Variants in SMAD3 observed in about 807,000 individuals in gnomAD.
SMAD3 encodes SMAD family member 3.
A neutral mutation model predicts 51.8 loss-of-function variants in SMAD3; 12 were observed. The ratio of observed to expected loss-of-function variants is 0.23; its 90% confidence interval spans 0.15 to 0.38. The LOEUF is 0.38. Ranked by LOEUF, SMAD3 falls within the 10% of genes least tolerant of loss-of-function variation. The pLI, the probability that SMAD3 is intolerant of heterozygous loss-of-function variation, is 1.00. For synonymous variants in SMAD3, 238 were observed against 227.7 expected (o/e 1.05, Z -0.41); for missense variants, 294 against 565.6 (o/e 0.52, Z 4.87).
At chr15:67,108,351 G>C (rs1334572501) in intron 1 of SMAD3, among the ~76,000 whole-genome samples, 1 of 152,112 alleles carries the variant, frequency 6.6e-6, no homozygotes, top group Non-Finnish European at 1.5e-5. Context: ...TCCCCACTCT[G>C]ATGATACTAG....
intron 3 of SMAD3, 176 bp from the exon 4 acceptor site, chr15:67,166,603 G>A (rs1962595975): frequency 4.5e-6 from 3 of 671,726 alleles, no homozygotes; most frequent in African/African-American, 1.8e-5. Context: ...GGGAGTCAGA[G>A]GTGGACAGGG....
In SMAD3 at chr15:67,167,769, A is replaced by ATT. The variant is rs541657591; in HGVS notation, c.607+917_607+918dup. Among the ~76,000 whole-genome samples, 892 of 152,310 alleles carry ATT rather than the reference A, an allele frequency of 5.9e-3. 11 individuals are homozygous for ATT. Among genetic ancestry groups the ATT allele is most frequent in the African/African-American group, 0.02 (850 of 41,562 alleles). On this transcript the variant is annotated intron_variant, in intron 4 of 8. Coordinates refer to ENST00000327367, the MANE Select transcript of SMAD3 (RefSeq NM_005902.4). ...TGGCTCCAGACCAGCAGCTTCTTGA[A>ATT]TTGAACCCCAGCTGCCACATAGAAT...
chr15:67,146,528 G>T (rs1961978214), intron 1 of SMAD3, among the ~76,000 whole-genome samples: 1 of 152,220 alleles, frequency 6.6e-6, no homozygotes, highest in African/African-American at 2.4e-5. Flanking sequence ...GTGGGAGTCA[G>T]TGCAGACTTA....
intron 6 of SMAD3, among the ~76,000 whole-genome samples, chr15:67,182,890 A>G (rs150295819): frequency 6.7e-6 from 1 of 150,138 alleles, no homozygotes; most frequent in African/African-American, 2.5e-5. Context: ...GCCCAGTCGC[A>G]AACTCTTGGG....
chr15:67,082,606 A>G (rs1960301444), intron 1 of SMAD3, among the ~76,000 whole-genome samples: 1 of 152,240 alleles, frequency 6.6e-6, no homozygotes, highest in Non-Finnish European at 1.5e-5. Context: ...TAAAAATTCT[A>G]TAAATGTTTA....
At chr15:67,093,288 A>C (rs190547720) in intron 1 of SMAD3, among the ~76,000 whole-genome samples, 1 of 152,240 alleles carries the variant, frequency 6.6e-6, no homozygotes, top group Non-Finnish European at 1.5e-5. Flanking sequence ...TGATGGACGC[A>C]AAAACTGCCT....
intron 1 of SMAD3, among the ~76,000 whole-genome samples, chr15:67,115,931 G>A (rs529730086): frequency 4.1e-4 from 63 of 152,322 alleles, no homozygotes; most frequent in Non-Finnish European, 7.8e-4. Context: ...GTGGGTAGGA[G>A]TAATCAGAAG....
At chr15:67,079,730 G>A (rs904127896) in intron 1 of SMAD3, among the ~76,000 whole-genome samples, 3 of 152,122 alleles carry the variant, frequency 2.0e-5, no homozygotes, top group African/African-American at 7.2e-5. Flanking sequence ...GCATTGAGGG[G>A]TCAGTGGCAG....
At chr15:67,145,862 G>A (rs142744455) in intron 1 of SMAD3, among the ~76,000 whole-genome samples, 3 of 152,236 alleles carry the variant, frequency 2.0e-5, no homozygotes, top group African/African-American at 4.8e-5. Context: ...GCTGGGGCAC[G>A]CAGAACAACA....
At chr15:67,138,663 C>T (rs1488404847) in intron 1 of SMAD3, 1 of 152,562 alleles carries the variant, frequency 6.6e-6, no homozygotes, top group Non-Finnish European at 1.5e-5. Flanking sequence ...TCAATTAGGC[C>T]TGTGACTGTT....
intron 1 of SMAD3, among the ~76,000 whole-genome samples, chr15:67,118,689 G>A (rs1961190322): frequency 6.6e-6 from 1 of 152,216 alleles, no homozygotes; most frequent in African/African-American, 2.4e-5. Context: ...TCAATGTGAT[G>A]TGGGTGTCCT....
chr15:67,087,245 A>G (rs1323315453), intron 1 of SMAD3, among the ~76,000 whole-genome samples: 1 of 152,110 alleles, frequency 6.6e-6, no homozygotes, highest in Non-Finnish European at 1.5e-5. Flanking sequence ...TTGGCACCTC[A>G]CTGGCAGCAA....
At chr15:67,158,348 G>A (rs895535373) in intron 1 of SMAD3, among the ~76,000 whole-genome samples, 3 of 152,210 alleles carry the variant, frequency 2.0e-5, no homozygotes, top group Non-Finnish European at 4.4e-5. Context: ...CAATGCCAGG[G>A]CTCTGGGCAG....
chr15:67,144,811 A>AC (rs1309958829), intron 1 of SMAD3, among the ~76,000 whole-genome samples: 5 of 152,196 alleles, frequency 3.3e-5, no homozygotes, highest in Admixed American at 2.6e-4. Context: ...GTCACAGCAG[A>AC]TATGCCTTCC....
Position 67,181,619 on chromosome 15 carries a change from C to T in SMAD3, c.871+166C>T, listed in dbSNP as rs182494204. Among the ~76,000 whole-genome samples, 7 of 152,026 alleles carry T rather than the reference C, an allele frequency of 4.6e-5. No homozygotes were observed. The East Asian group carries it at 1.4e-3, about 30-fold the overall frequency. On this transcript the variant is annotated intron_variant, in intron 6 of 8. Coordinates refer to ENST00000327367, the MANE Select transcript of SMAD3 (RefSeq NM_005902.4). ...GGGAAGACTCACTGCCCCAGCAAGT[C>T]CCCTACACTCTCTGTTGCCCTGTTT...
chr15:67,186,307 CA>C (rs11315136), intron 7 of SMAD3, among the ~76,000 whole-genome samples: 32,630 of 152,162 alleles, frequency 0.21, 4,274 homozygotes, highest in East Asian at 0.47. Context: ...AGAGGAAGCT[CA>C]GTGACGCTCT....
chr15:67,187,072 G>A, intron 7 of SMAD3: 1 of 581,220 alleles, frequency 1.7e-6, no homozygotes, highest in Non-Finnish European at 3.3e-6. Flanking sequence ...CCTCTTTGCA[G>A]ACTTCTCCCT....
intron 5 of SMAD3, among the ~76,000 whole-genome samples, chr15:67,175,773 C>T (rs981947602): frequency 1.3e-5 from 2 of 152,302 alleles, no homozygotes; most frequent in Admixed American, 6.5e-5. Context: ...CAGGGCGGCC[C>T]GAAGACCACC....
At chr15:67,075,461 C>T (rs1351074284) in intron 1 of SMAD3, among the ~76,000 whole-genome samples, 1 of 152,154 alleles carries the variant, frequency 6.6e-6, no homozygotes, top group Admixed American at 6.5e-5. Flanking sequence ...ACAGGAAGAG[C>T]ACAGTTGGGC....
Sources: gnomAD v4.1 joint callset for allele counts (sites outside exome capture counted in the v4.1 genomes callset) on GRCh38, gnomAD v4.1.1 for gene constraint, MANE v1.5 for transcripts, NCBI Gene and HGNC (gene_info 2026-07-23, HGNC 2026-07-21) for gene names.